Variants in TPM2 observed in about 807,000 individuals in gnomAD.
TPM2 encodes tropomyosin beta chain.
In TPM2, 26 loss-of-function variants were observed where a neutral mutation model predicts 41.0. The ratio of observed to expected loss-of-function variants is 0.63; its 90% CI spans 0.46 to 0.88. TPM2 has a LOEUF of 0.88. TPM2 is among the 40% of genes least tolerant of loss of function. The pLI, the probability that TPM2 is intolerant of heterozygous loss-of-function variation, is 0.00. For missense variants in TPM2, 187 were observed against 355.2 expected (o/e 0.53, Z 3.81); for synonymous variants, 143 against 139.3 (o/e 1.03, Z -0.19).
At chr9:35,682,120 C>G (rs1319229635), downstream of TPM2, 10 of 1,614,124 alleles carry the variant, frequency 6.2e-6, no homozygotes, top group Non-Finnish European at 8.5e-6. Context: ...GGTCCAAGGT[C>G]TGGTGAATCT....
intron 8 of TPM2, among the ~76,000 whole-genome samples, chr9:35,683,516 C>T (rs956381096): frequency 4.6e-5 from 7 of 152,140 alleles, no homozygotes; most frequent in African/African-American, 9.7e-5. Context: ...ACAATGCTCT[C>T]GACAAGCAGG....
At chr9:35,682,657 C>A, downstream of TPM2, 2 of 1,310,108 alleles carry the variant, frequency 1.5e-6, no homozygotes, top group South Asian at 2.5e-5. Flanking sequence ...TCTGTTTGAT[C>A]CTGGAACCCC....
chr9:35,684,842 G>A, intron 5 of TPM2, 35 bp from the exon 6 acceptor site: 2 of 1,613,786 alleles, frequency 1.2e-6, no homozygotes, highest in Non-Finnish European at 8.5e-7. Flanking sequence ...GGCAGGGTGT[G>A]AGGGCACAGC....
In TPM2 at chr9:35,683,200, C is replaced by T; in HGVS notation, c.814G>A (p.Glu272Lys). Residue 272 changes from glutamate to lysine, a missense_variant, in exon 9 of 9, where the codon GAG becomes AAG. Coordinates refer to ENST00000645482, the MANE Select transcript of TPM2 (RefSeq NM_003289.4). ...TCATTGAGTGCGTTGTCCAGTTCCT[C>T]GCTAATGGCCTTGTACTTCATCTTC... ...AQKMKYKAIS[E>K]ELDNALNDIT... 1 of 1,557,446 alleles carries T rather than the reference C, an allele frequency of 6.4e-7. No individual in the cohort carries two copies. Among genetic ancestry groups the T allele is most frequent in the Non-Finnish European group, 8.7e-7 (1 of 1,149,128 alleles).
In TPM2 at chr9:35,689,114, C is replaced by G. The variant is rs751207614; in HGVS notation, c.240+32G>C. On this transcript the variant is annotated intron_variant, in intron 2 of 8. Transcript: ENST00000645482. ...GGGGGGCCCCTTCCCAGAGCCCTAA[C>G]TCCTCCCATTGTCCCCCAAGTCCAC... 17 of 1,613,910 alleles carry G rather than the reference C, an allele frequency of 1.1e-5. 1 individual carries two copies. The South Asian group carries it at 1.8e-4, about 17-fold the overall frequency.
At chr9:35,689,598 TGA>T (rs1226868451) in intron 1 of TPM2, 104 bp downstream of exon 1, 1 of 1,582,894 alleles carries the variant, frequency 6.3e-7, no homozygotes, top group Admixed American at 1.7e-5. Flanking sequence ...CCACCCTGGG[TGA>T]GAGAGAGCCT....
upstream of TPM2, chr9:35,690,055 GC>G: frequency 3.7e-6 from 5 of 1,337,894 alleles, no homozygotes; most frequent in Non-Finnish European, 4.8e-6. Flanking sequence ...GGGTGCGGCC[GC>G]CCCCTTCGCC....
intron 1 of TPM2, 63 bp from the exon 2 acceptor site, chr9:35,689,334 G>A: frequency 6.2e-7 from 1 of 1,607,770 alleles, no homozygotes; most frequent in South Asian, 1.1e-5. Flanking sequence ...ATGGAGACGC[G>A]GTGTGTGTAG....
At chr9:35,688,198 C>A (rs139098688) in intron 2 of TPM2, among the ~76,000 whole-genome samples, 21 of 152,316 alleles carry the variant, frequency 1.4e-4, no homozygotes, top group Admixed American at 3.3e-4. Flanking sequence ...AGTGCCAGGA[C>A]TGGTGGAGAA....
Position 35,689,855 on chromosome 9 carries a change from G to A in TPM2, c.-38C>T, listed in dbSNP as rs1387624744. 9 of 1,612,534 alleles carry A rather than the reference G, an allele frequency of 5.6e-6. No individual in the cohort carries two copies. The highest frequency in any genetic ancestry group is 2.2e-5 in the South Asian group (2 of 91,068). ...GGGTGGGCCGGCCGGCAGGCGGTGA[G>A]GACCGGACGGACTGGGCTGGGTGAG... On this transcript the variant is annotated 5_prime_UTR_variant, in exon 1 of 9. Transcript: ENST00000645482.
At chr9:35,683,828 A>C (rs1824715132) in intron 8 of TPM2, among the ~76,000 whole-genome samples, 1 of 152,352 alleles carries the variant, frequency 6.6e-6, no homozygotes, top group South Asian at 2.1e-4. Context: ...CTAGTTAATA[A>C]GCCAGTCTCT....
In TPM2 at chr9:35,685,359, G is replaced by T. The variant is rs1440869079; in HGVS notation, c.493-20C>A. 1.2e-6 allele frequency: 2 copies of T among 1,614,224 alleles called. No individual in the cohort carries two copies. The highest frequency in any genetic ancestry group is 2.2e-5 in the South Asian group (2 of 91,088). ...GGCCACCTGTGGGGAGTGAGAAAGA[G>T]AGGGTAGATCAGTGGAGAAGGACTG... On this transcript the variant is annotated intron_variant, in intron 4 of 8. Transcript: ENST00000645482. This position sits in a 1 kb window ranked among gnomAD's most constrained non-coding sequence, Gnocchi z 5.0.
At chr9:35,684,165 G>T in intron 8 of TPM2, 81 bp downstream of exon 8, 1 of 1,445,374 alleles carries the variant, frequency 6.9e-7, no homozygotes, top group Non-Finnish European at 9.7e-7. Context: ...TTTATTGGTG[G>T]CAAATAAAAT....
intron 8 of TPM2, 70 bp downstream of exon 8, chr9:35,684,176 G>C: frequency 6.6e-7 from 1 of 1,510,686 alleles, no homozygotes; most frequent in Non-Finnish European, 9.2e-7. Flanking sequence ...CAAATAAAAT[G>C]GGATGAGAAG....
chr9:35,689,038 C>T (rs994834109), intron 2 of TPM2, 108 bp downstream of exon 2: 33 of 1,308,248 alleles, frequency 2.5e-5, no homozygotes, highest in African/African-American at 1.0e-4. Flanking sequence ...TCTCTCCTGG[C>T]GCTGGGGACA....
intron 2 of TPM2, 58 bp downstream of exon 2, chr9:35,689,088 C>G: frequency 6.2e-7 from 1 of 1,606,094 alleles, no homozygotes; most frequent in Non-Finnish European, 8.5e-7. Context: ...TTCCCATACC[C>G]GGGGGGCCCC....
chr9:35,687,744 T>C (rs990417487), intron 2 of TPM2, among the ~76,000 whole-genome samples: 2 of 149,984 alleles, frequency 1.3e-5, no homozygotes, highest in African/African-American at 4.9e-5. Flanking sequence ...GGTGAGACTG[T>C]AAAAGAAAAA....
downstream of TPM2, chr9:35,682,597 C>G: frequency 8.0e-7 from 1 of 1,256,654 alleles, no homozygotes; most frequent in Non-Finnish European, 1.0e-6. Context: ...CCTTTTGCAA[C>G]CTTCTTGCCC....
chr9:35,685,069 C>T lies in TPM2; in HGVS notation c.563+200G>A. 2 of 1,614,212 alleles carry T rather than the reference C, an allele frequency of 1.2e-6. No individual in the cohort carries two copies. Among genetic ancestry groups the T allele is most frequent in the Non-Finnish European group, 1.7e-6 (2 of 1,180,036 alleles). ...AGGTTCAGAGGGGTCACTACCTCCT[C>T]CTCTGAGGCCATCAGGGACTTGAGG... On this transcript the variant is annotated intron_variant, in intron 5 of 8. Coordinates refer to ENST00000645482, the MANE Select transcript of TPM2 (RefSeq NM_003289.4). This position sits in a 1 kb window ranked among gnomAD's most constrained non-coding sequence, Gnocchi z 5.0.
Sources: gnomAD v4.1 joint callset for allele counts (sites outside exome capture counted in the v4.1 genomes callset) on GRCh38, gnomAD v4.1.1 for gene constraint, Gnocchi (gnomAD v3.1) non-coding constraint, MANE v1.5 for transcripts, NCBI Gene and HGNC (gene_info 2026-07-23, HGNC 2026-07-21) for gene names.